The following CNOT1 variants were observed in gnomAD, a reference collection of about 807,000 sequenced individuals.
The protein encoded by CNOT1 is CCR4-associated factor 1.
In CNOT1, 15 loss-of-function variants were observed where a neutral mutation model predicts 273.8. That is an observed-to-expected ratio of 0.05 (90% CI 0.04 to 0.08). The LOEUF (loss-of-function observed/expected upper bound fraction) is 0.08, where lower values mean the gene tolerates loss of function less well. Ranked by LOEUF, CNOT1 falls within the 10% of genes least tolerant of loss-of-function variation. CNOT1 has a pLI of 1.00. For missense variants in CNOT1, 1,644 were observed against 2,912.2 expected, an observed-to-expected ratio of 0.56 and a Z score of 10.02; for synonymous variants, 1,022 against 1,005.5, an observed-to-expected ratio of 1.02 and a Z score of -0.31.
Position 58,539,789 on chromosome 16 carries a change from A to G in CNOT1, c.4971T>C (p.Ala1657=), listed in dbSNP as rs1176842406. 6 of 1,613,766 alleles carry G rather than the reference A, an allele frequency of 3.7e-6. No individual in the cohort carries two copies. The East Asian group carries it at 1.3e-4, about 36-fold the overall frequency. The change falls in exon 35 of 49, where the codon GCT becomes GCC. Residue 1657 remains alanine (A), a synonymous_variant. Coordinates refer to ENST00000317147, the MANE Select transcript of CNOT1 (RefSeq NM_016284.5). ...CAACCTTTTGGAGCAATCCAAGAGC[A>G]GCTATGGCATCCCGAGAGTTTCGAG... ...VLSRNSRDAI[A]ALGLLQKAVE...
rs2041926409 is a variant in CNOT1 at position 58,587,856 on chromosome 16, C to T, written c.233G>A (p.Cys78Tyr). The T allele has an allele frequency of 6.2e-7, 1 of 1,613,554 alleles. No individual in the cohort carries two copies. The highest frequency in any genetic ancestry group is 1.7e-5 in the Admixed American group (1 of 59,984). ...ATTTGGCTTTGTAATCAGCAACGCA[C>T]ACTCCTGAATCAGAAACTGAGTCTT... ...FHQTQFLIQECALLITKPNFI... is the reference protein window; with the variant it reads ...FHQTQFLIQEYALLITKPNFI... The change falls in exon 4 of 49, where the codon TGT becomes TAT. Residue 78 changes from cysteine (C) to tyrosine (Y), a missense_variant. Coordinates refer to ENST00000317147, the MANE Select transcript of CNOT1 (RefSeq NM_016284.5).
chr16:58,570,698 A>C lies in CNOT1; in HGVS notation c.1979+3911T>G, dbSNP rs1429578460. ...ATAAAGGTATAATTTGCATGACAATAATGGCAAAAATCAAGGGGAAGGGGA... is the reference window on the plus strand; with the variant it reads ...ATAAAGGTATAATTTGCATGACAATCATGGCAAAAATCAAGGGGAAGGGGA... On this transcript the variant is annotated intron_variant, in intron 16 of 48. Transcript: ENST00000317147. 3.3e-5 allele frequency among the ~76,000 whole-genome samples: 5 copies of C among 152,328 alleles called. No individual in the cohort carries two copies. The East Asian group carries it at 9.6e-4, about 29-fold the overall frequency.
chr16:58,587,656 A>C, intron 4 of CNOT1, 124 bp downstream of exon 4: 1 of 1,193,970 alleles, frequency 8.4e-7, no homozygotes, highest in Non-Finnish European at 1.2e-6. Context: ...AAACTATAAA[A>C]GACACCCCAA....
Position 58,587,820 on chromosome 16 carries a change from G to A in CNOT1, c.269C>T (p.Thr90Met), listed in dbSNP as rs778323586. The A allele has an allele frequency of 6.2e-6, 10 of 1,613,858 alleles. No homozygotes were observed. The highest frequency in any genetic ancestry group is 7.6e-6 in the Non-Finnish European group (9 of 1,180,004). Residue 90 changes from threonine (T) to methionine (M), a missense_variant, in exon 4 of 49, where the codon ACG (threonine) becomes ATG (methionine). Thr to Met is a moderately conservative substitution (Grantham distance 81). This residue lies in a region of CNOT1 where 706 missense variants were observed against 1,021.2 expected (regional missense o/e 0.69). Transcript: ENST00000317147. The part of the protein sequence containing the change: ...LLITKPNFIS[T>M]LSYAIDNPLH... The stretch of plus-strand genomic sequence containing the variant: ...TGGATTATCAATGGCATAGGACAGC[G>A]TCGAGATAAAATTTGGCTTTGTAAT...
chr16:58,574,468 A>C, intron 16 of CNOT1, 141 bp downstream of exon 16: 4 of 707,148 alleles, frequency 5.7e-6, no homozygotes, highest in Non-Finnish European at 6.4e-6. Context: ...TATGTATCAT[A>C]AATAGTATAG....
intron 17 of CNOT1, chr16:58,559,780 T>C: frequency 2.0e-6 from 1 of 510,644 alleles, no homozygotes; most frequent in South Asian, 1.4e-5. Flanking sequence ...GGGTGGTTGA[T>C]GTCAGGGAGT....
At chr16:58,538,126 C>T in intron 37 of CNOT1, 32 bp downstream of exon 37, 1 of 1,610,818 alleles carries the variant, frequency 6.2e-7, no homozygotes, top group Non-Finnish European at 8.5e-7. Flanking sequence ...TCCCTGAGTC[C>T]TTTTGTCCGT....
intron 16 of CNOT1, among the ~76,000 whole-genome samples, chr16:58,562,347 T>G (rs1422083597): frequency 6.7e-6 from 1 of 149,082 alleles, no homozygotes; most frequent in South Asian, 2.1e-4. Context: ...TACAAAAAAT[T>G]TTAAAAATTA....
chr16:58,552,425 T>C (rs79823007), intron 22 of CNOT1, among the ~76,000 whole-genome samples: 2,345 of 152,254 alleles, frequency 0.015, 45 homozygotes, highest in African/African-American at 0.052. Flanking sequence ...TTTACGCTGA[T>C]AAAGTACAGA....
intron 35 of CNOT1, 111 bp downstream of exon 35, chr16:58,539,657 A>G: frequency 1.8e-6 from 2 of 1,134,158 alleles, no homozygotes; most frequent in Non-Finnish European, 1.2e-6. Context: ...ACAGAACTTG[A>G]TTTATATTAT....
At chr16:58,528,930 T>C (rs2039685414) in intron 43 of CNOT1, among the ~76,000 whole-genome samples, 1 of 145,062 alleles carries the variant, frequency 6.9e-6, no homozygotes, top group Non-Finnish European at 1.5e-5. Flanking sequence ...TAAGCGTCTA[T>C]CTTCAGAAGC....
chr16:58,545,928 C>T (rs952687988), intron 29 of CNOT1, among the ~76,000 whole-genome samples: 4 of 152,188 alleles, frequency 2.6e-5, no homozygotes, highest in African/African-American at 7.2e-5. Context: ...CTCCCATCTT[C>T]TTCATGTAGA....
chr16:58,555,923 A>G lies in CNOT1; in HGVS notation c.2480-15T>C. The G allele has an allele frequency of 6.2e-7, 1 of 1,609,844 alleles. No homozygotes were observed. The highest frequency in any genetic ancestry group is 8.5e-7 in the Non-Finnish European group (1 of 1,179,870). ...AGACAAGTCCGCTGTTGGAAACAAA[A>G]AAGGAATCAGTGGGCATTTAAGCCC... On this transcript the variant is annotated splice_polypyrimidine_tract_variant and intron_variant, in intron 19 of 48. Coordinates refer to ENST00000317147, the MANE Select transcript of CNOT1 (RefSeq NM_016284.5).
rs146586210 is a variant in CNOT1, at chr16:58,617,625, C to T, written c.-175+12103G>A. ...AACCTCTATCGCCAACAAAGAACTACGCTGCCCAAATGCCAACAGTGCCCT... is the reference window on the plus strand; with the variant it reads ...AACCTCTATCGCCAACAAAGAACTATGCTGCCCAAATGCCAACAGTGCCCT... On this transcript the variant is annotated intron_variant, in intron 1 of 48. Transcript: ENST00000317147. Among the ~76,000 whole-genome samples the T allele has an allele frequency of 1.9e-4, 29 of 152,274 alleles. No individual in the cohort carries two copies. In the South Asian group the frequency reaches 3.7e-3, roughly 20 times the overall value.
At chr16:58,591,808 G>A (rs2042065920) in intron 2 of CNOT1, among the ~76,000 whole-genome samples, 2 of 151,220 alleles carry the variant, frequency 1.3e-5, no homozygotes, top group African/African-American at 4.9e-5. Context: ...GTGGCACATA[G>A]GTTTGATACA....
At chr16:58,590,363 C>T (rs963307120) in intron 2 of CNOT1, among the ~76,000 whole-genome samples, 5 of 152,134 alleles carry the variant, frequency 3.3e-5, no homozygotes, top group Admixed American at 2.0e-4. Flanking sequence ...TGAAAGCTGT[C>T]TAAGTTCTTA....
intron 5 of CNOT1, 32 bp from the exon 6 acceptor site, chr16:58,587,287 G>T: frequency 6.2e-7 from 1 of 1,613,620 alleles, no homozygotes. Flanking sequence ...TAACCAAAGA[G>T]TCAAATGGCT....
In CNOT1 at chr16:58,556,971, G is replaced by A. The variant is rs750765540; in HGVS notation, c.2355C>T (p.Ser785=). 2 of 1,613,942 alleles carry A rather than the reference G, an allele frequency of 1.2e-6. No homozygotes were observed. The highest frequency in any genetic ancestry group is 1.7e-6 in the Non-Finnish European group (2 of 1,179,990). ...GAGCACCAGTTCCTATACCAGTCAG[G>A]CTGCCTGTGCCAAGACCACCTACTA... The part of the protein sequence containing the change: ...QLPVGGLGTG[S]LTGIGTGALG... Residue 785 remains serine, a synonymous_variant, in exon 19 of 49, where the codon AGC becomes AGT. Coordinates refer to ENST00000317147, the MANE Select transcript of CNOT1 (RefSeq NM_016284.5).
intron 2 of CNOT1, among the ~76,000 whole-genome samples, chr16:58,598,687 GC>G (rs2042355404): frequency 6.6e-6 from 1 of 151,692 alleles, no homozygotes; most frequent in Non-Finnish European, 1.5e-5. Context: ...GTTTCTCAGG[GC>G]CCTGAGCACC....
Sources: allele counts gnomAD v4.1 joint callset (sites outside exome capture counted in the v4.1 genomes callset), GRCh38; gene constraint gnomAD v4.1.1; regional missense constraint gnomAD v4.1.1; transcripts MANE v1.5; gene names NCBI Gene and HGNC (gene_info 2026-07-23, HGNC 2026-07-21).